The following L3MBTL4 variants were observed in gnomAD, a reference collection of about 807,000 sequenced individuals.
The protein encoded by L3MBTL4 is lethal(3)malignant brain tumor-like protein 4.
A neutral mutation model predicts 84.5 loss-of-function variants in L3MBTL4; 70 were observed. That is an observed-to-expected ratio of 0.83 (90% CI 0.68 to 1.01). The LOEUF (loss-of-function observed/expected upper bound fraction) is 1.01. Ranked by LOEUF, L3MBTL4 falls within the 50% of genes least tolerant of loss-of-function variation. The probability of loss-of-function intolerance (pLI) is 0.00; values close to 1 mark genes in which losing one functional copy is unlikely to be tolerated. For synonymous variants in L3MBTL4, 274 were observed against 259.8 expected, an observed-to-expected ratio of 1.05 and a Z score of -0.52; for missense variants, 715 against 754.8, an observed-to-expected ratio of 0.95 and a Z score of 0.62.
At chr18:6,301,261 T>C (rs2050325637) in intron 4 of L3MBTL4, among the ~76,000 whole-genome samples, 1 of 152,206 alleles carries the variant, frequency 6.6e-6, no homozygotes, top group Non-Finnish European at 1.5e-5. Context: ...TTCCTTTCCG[T>C]AGATAATAAC....
At chr18:6,276,136 G>A (rs1438115158) in intron 4 of L3MBTL4, among the ~76,000 whole-genome samples, 1 of 152,166 alleles carries the variant, frequency 6.6e-6, no homozygotes, top group Non-Finnish European at 1.5e-5. Flanking sequence ...ACCTACCTAT[G>A]ACCTAGGAGC....
chr18:6,105,336 C>T (rs1158121388), intron 14 of L3MBTL4, among the ~76,000 whole-genome samples: 1 of 151,538 alleles, frequency 6.6e-6, no homozygotes, highest in Non-Finnish European at 1.5e-5. Flanking sequence ...ATTACAGGCA[C>T]ATGCCACCAT....
intron 16 of L3MBTL4, among the ~76,000 whole-genome samples, chr18:6,033,078 T>G (rs2055917965): frequency 6.6e-6 from 1 of 152,220 alleles, no homozygotes; most frequent in Non-Finnish European, 1.5e-5. Context: ...GTATGTGTGA[T>G]TTTTCCATCC....
At chr18:6,144,062 T>A (rs1477465486) in intron 13 of L3MBTL4, among the ~76,000 whole-genome samples, 1 of 151,782 alleles carries the variant, frequency 6.6e-6, no homozygotes, top group Non-Finnish European at 1.5e-5. Context: ...CTGGGCATGG[T>A]GGCAGGCCCT....
intron 1 of L3MBTL4, among the ~76,000 whole-genome samples, chr18:6,378,246 A>G (rs1481416586): frequency 6.6e-6 from 1 of 152,124 alleles, no homozygotes; most frequent in Non-Finnish European, 1.5e-5. Flanking sequence ...AGATTGCAAA[A>G]CTTTTCTCCC....
Position 6,062,608 on chromosome 18 carries a change from G to T in L3MBTL4, c.1444+18273C>A, listed in dbSNP as rs1348453385. Among the ~76,000 whole-genome samples the T allele has an allele frequency of 2.0e-5, 3 of 151,716 alleles. No individual in the cohort carries two copies. The East Asian group carries it at 5.8e-4, about 29-fold the overall frequency. Reference sequence around the variant, plus strand: ...TTCTTCTCTTTCTGGTATTCCCATTGCACGTTTACCCTTTGTAATTATCCC... The same window carrying T: ...TTCTTCTCTTTCTGGTATTCCCATTTCACGTTTACCCTTTGTAATTATCCC... On this transcript the variant is annotated intron_variant, in intron 16 of 18. Coordinates refer to ENST00000317931, the MANE Select transcript of L3MBTL4 (RefSeq NM_001330559.2).
chr18:6,377,473 G>C (rs946453208), intron 1 of L3MBTL4, among the ~76,000 whole-genome samples: 3 of 151,956 alleles, frequency 2.0e-5, no homozygotes, highest in Non-Finnish European at 4.4e-5. Flanking sequence ...CCTTCCCCTA[G>C]CCTCCCAACC....
chr18:6,039,051 C>T lies in L3MBTL4; in HGVS notation c.1444+41830G>A, dbSNP rs550929555. On this transcript the variant is annotated intron_variant, in intron 16 of 18. Coordinates refer to ENST00000317931, the MANE Select transcript of L3MBTL4 (RefSeq NM_001330559.2). ...CCTCCCTCTTCCCCAACCCTCTCTCCCCCAGCCCCATGCATACACATACAA... is the reference window on the plus strand; with the variant it reads ...CCTCCCTCTTCCCCAACCCTCTCTCTCCCAGCCCCATGCATACACATACAA... Among the ~76,000 whole-genome samples the T allele has an allele frequency of 1.2e-4, 18 of 152,022 alleles. No homozygotes were observed. In the South Asian group the frequency reaches 3.3e-3, roughly 28 times the overall value.
intron 13 of L3MBTL4, among the ~76,000 whole-genome samples, chr18:6,152,757 A>C (rs915100012): frequency 6.6e-6 from 1 of 152,064 alleles, no homozygotes; most frequent in Non-Finnish European, 1.5e-5. Flanking sequence ...AATTTGATGT[A>C]GTCTTTGTTT....
intron 10 of L3MBTL4, among the ~76,000 whole-genome samples, chr18:6,218,782 A>G (rs111609355): frequency 0.077 from 11,695 of 152,192 alleles, 1,528 homozygotes; most frequent in African/African-American, 0.26. Context: ...CACGTACTCC[A>G]ACTTTCTTCC....
chr18:5,975,070 C>A (rs187779985), intron 16 of L3MBTL4, among the ~76,000 whole-genome samples: 2 of 152,144 alleles, frequency 1.3e-5, no homozygotes, highest in Non-Finnish European at 2.9e-5. Flanking sequence ...TTCTTCTCTG[C>A]CCTCTCACCC....
chr18:6,229,462 T>C (rs1318076181), intron 10 of L3MBTL4, among the ~76,000 whole-genome samples: 1 of 152,182 alleles, frequency 6.6e-6, no homozygotes, highest in Non-Finnish European at 1.5e-5. Flanking sequence ...CTTCGATGTA[T>C]GGAAGTTTTT....
chr18:6,253,561 C>T (rs1466156293), intron 5 of L3MBTL4, among the ~76,000 whole-genome samples: 4 of 152,200 alleles, frequency 2.6e-5, no homozygotes, highest in Non-Finnish European at 5.9e-5. Flanking sequence ...GTGGTGCCCA[C>T]ATTTCAGGCT....
At chr18:6,105,642 T>C (rs1296898103) in intron 14 of L3MBTL4, among the ~76,000 whole-genome samples, 1 of 151,592 alleles carries the variant, frequency 6.6e-6, no homozygotes, top group African/African-American at 2.4e-5. Flanking sequence ...CTACTAAAAA[T>C]ACAAAAAATT....
chr18:6,144,834 C>T (rs1325495258), intron 13 of L3MBTL4, among the ~76,000 whole-genome samples: 2 of 152,142 alleles, frequency 1.3e-5, no homozygotes, highest in East Asian at 3.9e-4. Context: ...CCCTGGAATG[C>T]AGATGTAAAC....
chr18:6,359,359 G>A (rs566159895), intron 1 of L3MBTL4, among the ~76,000 whole-genome samples: 1 of 152,082 alleles, frequency 6.6e-6, no homozygotes, highest in East Asian at 1.9e-4. Context: ...GCAGGAGAAT[G>A]GCTTGAATCC....
intron 12 of L3MBTL4, among the ~76,000 whole-genome samples, chr18:6,185,297 C>T (rs1432506487): frequency 6.6e-6 from 1 of 152,160 alleles, no homozygotes. Context: ...TGGGAAATAC[C>T]GCAGTGCTGG....
intron 13 of L3MBTL4, among the ~76,000 whole-genome samples, chr18:6,148,807 TA>T (rs1169829647): frequency 6.6e-6 from 1 of 152,118 alleles, no homozygotes; most frequent in Non-Finnish European, 1.5e-5. Context: ...TACATATAAA[TA>T]AACTGTATTA....
intron 15 of L3MBTL4, among the ~76,000 whole-genome samples, chr18:6,087,211 T>A (rs2058287322): frequency 6.6e-6 from 1 of 152,200 alleles, no homozygotes; most frequent in Non-Finnish European, 1.5e-5. Context: ...GGTGCTGAAT[T>A]CAGCAAGATA....
Sources: gnomAD v4.1 joint callset for allele counts (sites outside exome capture counted in the v4.1 genomes callset) on GRCh38, gnomAD v4.1.1 for gene constraint, MANE v1.5 for transcripts, NCBI Gene and HGNC (gene_info 2026-07-23, HGNC 2026-07-21) for gene names.